EPHA6: variants seen among roughly 807,000 people sequenced by gnomAD.
EPHA6 encodes ephrin type-A receptor 6.
In EPHA6, 50 loss-of-function variants were observed where a neutral mutation model predicts 112.0. That is an observed-to-expected ratio of 0.45 (90% CI 0.36 to 0.56). EPHA6 has a LOEUF of 0.56. Among genes scored for constraint, EPHA6 ranks in the 20% least tolerant of loss-of-function variants. EPHA6 has a pLI of 0.00. For missense variants in EPHA6, 1,280 were observed against 1,417.4 expected, an observed-to-expected ratio of 0.90 and a Z score of 1.56; for synonymous variants, 529 against 490.7, an observed-to-expected ratio of 1.08 and a Z score of -1.03.
At chr3:96,959,238 T>C (rs562633067) in intron 2 of EPHA6, among the ~76,000 whole-genome samples, 4 of 152,316 alleles carry the variant, frequency 2.6e-5, no homozygotes, top group African/African-American at 9.6e-5. Context: ...TTGGTTTTGA[T>C]TTGTGTTTCC....
chr3:97,039,071 G>T (rs1320402814), intron 3 of EPHA6, among the ~76,000 whole-genome samples: 1 of 151,980 alleles, frequency 6.6e-6, no homozygotes, highest in African/African-American at 2.4e-5. Flanking sequence ...ATTTAAAGGA[G>T]TTGTACCTAA....
intron 10 of EPHA6, among the ~76,000 whole-genome samples, chr3:97,518,052 C>T (rs2092474937): frequency 6.6e-6 from 1 of 152,142 alleles, no homozygotes; most frequent in Admixed American, 6.5e-5. Flanking sequence ...CTACAGTGAA[C>T]ATTGGAGTGC....
At chr3:96,990,823 A>G (rs2043187788) in intron 3 of EPHA6, among the ~76,000 whole-genome samples, 1 of 152,174 alleles carries the variant, frequency 6.6e-6, no homozygotes, top group Admixed American at 6.5e-5. Flanking sequence ...TTCTCACAAA[A>G]AAAATCTCTG....
intron 5 of EPHA6, among the ~76,000 whole-genome samples, chr3:97,352,056 T>C (rs1263536554): frequency 2.0e-5 from 3 of 152,078 alleles, no homozygotes; most frequent in Non-Finnish European, 4.4e-5. Flanking sequence ...CTTAAGACAA[T>C]GATCTGGATA....
At chr3:97,295,888 C>T (rs1308485641) in intron 5 of EPHA6, among the ~76,000 whole-genome samples, 2 of 152,084 alleles carry the variant, frequency 1.3e-5, no homozygotes, top group Admixed American at 1.3e-4. Flanking sequence ...ATCATTTGGG[C>T]CAATGTTCAG....
chr3:96,980,079 G>A (rs1319293676), intron 2 of EPHA6, among the ~76,000 whole-genome samples: 1 of 152,086 alleles, frequency 6.6e-6, no homozygotes, highest in African/African-American at 2.4e-5. Flanking sequence ...GTCAATTTTG[G>A]CTTTTGTGGC....
intron 3 of EPHA6, among the ~76,000 whole-genome samples, chr3:97,028,966 T>C (rs1266994593): frequency 6.6e-6 from 1 of 151,606 alleles, no homozygotes; most frequent in African/African-American, 2.4e-5. Flanking sequence ...TTGGATATAA[T>C]AGCTTCAAAC....
intron 5 of EPHA6, among the ~76,000 whole-genome samples, chr3:97,326,083 G>C (rs1191111069): frequency 6.6e-6 from 1 of 151,986 alleles, no homozygotes; most frequent in Non-Finnish European, 1.5e-5. Flanking sequence ...GATTGTTACT[G>C]ATATGAGGTA....
intron 3 of EPHA6, among the ~76,000 whole-genome samples, chr3:97,208,752 A>T (rs1372138904): frequency 7.6e-6 from 1 of 131,688 alleles, no homozygotes; most frequent in African/African-American, 4.0e-5. Context: ...GTCTCAATTA[A>T]AAAAAAAAAA....
chr3:97,367,329 CA>C (rs2084791877), intron 5 of EPHA6, among the ~76,000 whole-genome samples: 1 of 152,094 alleles, frequency 6.6e-6, no homozygotes, highest in African/African-American at 2.4e-5. Context: ...GTCACATGCT[CA>C]ACCCCGGCCT....
chr3:97,659,614 A>G (rs773076132), intron 14 of EPHA6, among the ~76,000 whole-genome samples: 6 of 152,016 alleles, frequency 3.9e-5, no homozygotes, highest in Non-Finnish European at 7.4e-5. Flanking sequence ...AACTCTAATT[A>G]AGGAAGAGAA....
intron 2 of EPHA6, among the ~76,000 whole-genome samples, chr3:96,882,597 T>C (rs145269138): frequency 6.6e-6 from 1 of 152,150 alleles, no homozygotes. Flanking sequence ...CATGTATCAG[T>C]GAGAACATAC....
chr3:97,454,590 A>C (rs557180644), intron 7 of EPHA6, among the ~76,000 whole-genome samples: 1 of 151,962 alleles, frequency 6.6e-6, no homozygotes, highest in African/African-American at 2.4e-5. Flanking sequence ...GTCATGTAAA[A>C]ACATAATATA....
intron 11 of EPHA6, among the ~76,000 whole-genome samples, chr3:97,541,421 G>T (rs1458463783): frequency 1.3e-5 from 2 of 151,960 alleles, no homozygotes; most frequent in Non-Finnish European, 2.9e-5. Context: ...GTATTAATTA[G>T]GTTGGTGCAA....
intron 3 of EPHA6, among the ~76,000 whole-genome samples, chr3:96,999,517 A>G (rs1218368086): frequency 1.4e-5 from 2 of 144,460 alleles, no homozygotes; most frequent in African/African-American, 4.9e-5. Flanking sequence ...ATCACATACC[A>G]ACAATGACTA....
chr3:96,978,711 A>G (rs1171134348), intron 2 of EPHA6, among the ~76,000 whole-genome samples: 3 of 152,140 alleles, frequency 2.0e-5, no homozygotes, highest in African/African-American at 7.2e-5. Context: ...AAAAAAATGC[A>G]TCATTTTGTT....
chr3:97,594,768 C>A (rs1057107003), intron 12 of EPHA6, among the ~76,000 whole-genome samples: 6 of 152,088 alleles, frequency 3.9e-5, no homozygotes, highest in African/African-American at 1.2e-4. Flanking sequence ...TAATACCCTT[C>A]AGATTTCAGA....
Position 97,244,391 on chromosome 3 carries a change from C to T in EPHA6, c.1606+104C>T, listed in dbSNP as rs1024827603. 7.5e-5 allele frequency: 70 copies of T among 930,378 alleles called. 1 individual carries two copies. The highest frequency in any genetic ancestry group is 6.8e-4 in the South Asian group (45 of 65,866). The allele number at this position is 930,378 out of a possible 1,614,324, so 57.6% of individuals were successfully genotyped here. A position where few individuals can be genotyped will look rare whatever the true frequency, so the allele number is the denominator to read the frequency against. ...ATTGCAGGTGCTATGCAGTCATATA[C>T]GTTATACACTGCAGAGGTAATGCAC... On this transcript the variant is annotated intron_variant, in intron 5 of 17. Transcript: ENST00000389672.
At position 96,852,702 on chromosome 3, in the gene EPHA6, T is replaced by A. The variant is rs147807385; in HGVS notation, c.386-14123T>A. Reference sequence around the variant, plus strand: ...TTTATTTGAGTGTCCCCTGCAGTTATTGGGTGTAGAGTACTTAACAGATGA... The same window carrying A: ...TTTATTTGAGTGTCCCCTGCAGTTAATGGGTGTAGAGTACTTAACAGATGA... On this transcript the variant is annotated intron_variant, in intron 1 of 17. Coordinates refer to ENST00000389672, the MANE Select transcript of EPHA6 (RefSeq NM_001080448.3). 6.4e-3 allele frequency among the ~76,000 whole-genome samples: 972 copies of A among 151,952 alleles called. 6 individuals are homozygous for A. The highest frequency in any genetic ancestry group is 0.021 in the African/African-American group (879 of 41,422).
Sources: gnomAD v4.1 joint callset for allele counts (sites outside exome capture counted in the v4.1 genomes callset) on GRCh38, gnomAD v4.1.1 for gene constraint, MANE v1.5 for transcripts, NCBI Gene and HGNC (gene_info 2026-07-23, HGNC 2026-07-21) for gene names.